The following MUSK variants were observed in gnomAD, a reference collection of about 807,000 sequenced individuals.
MUSK encodes muscle, skeletal receptor tyrosine-protein kinase.
Under a neutral mutation model 88.7 loss-of-function variants are expected in MUSK, and 55 were observed. The ratio of observed to expected loss-of-function variants is 0.62; its 90% CI spans 0.50 to 0.78. The LOEUF is 0.78. Among genes scored for constraint, MUSK ranks in the 30% least tolerant of loss-of-function variants. The probability of loss-of-function intolerance (pLI) is 0.00; values close to 1 mark genes in which losing one functional copy is unlikely to be tolerated. For missense variants in MUSK, 1,015 were observed against 1,074.3 expected, an observed-to-expected ratio of 0.94 and a Z score of 0.77; for synonymous variants, 387 against 391.9, an observed-to-expected ratio of 0.99 and a Z score of 0.15.
intron 5 of MUSK, among the ~76,000 whole-genome samples, chr9:110,732,978 T>C (rs1326594926): frequency 6.6e-6 from 1 of 152,126 alleles, no homozygotes; most frequent in Non-Finnish European, 1.5e-5. Flanking sequence ...GAAACACTAC[T>C]CTGGACCTGT....
Position 110,806,501 on chromosome 9 carries a change from G to C in MUSK, c.*5513G>C, listed in dbSNP as rs1160476541. 6.6e-6 allele frequency among the ~76,000 whole-genome samples: 1 copy of C among 152,108 alleles called. No individual in the cohort carries two copies. Among genetic ancestry groups the C allele is most frequent in the African/African-American group, 2.4e-5 (1 of 41,438 alleles). ...AATTAAGATTTAGGTGCTTTGACTA[G>C]ATTGATTCTAAACATCAAAAAACAA... On this transcript the variant is annotated 3_prime_UTR_variant, in exon 15 of 15. Coordinates refer to ENST00000374448, the MANE Select transcript of MUSK (RefSeq NM_005592.4).
intron 5 of MUSK, among the ~76,000 whole-genome samples, chr9:110,722,734 A>T (rs867906797): frequency 6.6e-6 from 1 of 152,136 alleles, no homozygotes; most frequent in South Asian, 2.1e-4. Context: ...GGCTAAGGAC[A>T]TGAACAGACA....
At chr9:110,735,641 A>G (rs2077021656) in intron 6 of MUSK, among the ~76,000 whole-genome samples, 1 of 152,082 alleles carries the variant, frequency 6.6e-6, no homozygotes, top group Non-Finnish European at 1.5e-5. Context: ...TAGCTTTATT[A>G]GTCAGTTCTC....
Position 110,801,077 on chromosome 9 carries a change from C to T in MUSK, c.*89C>T. ...TACACCAGAGGCCCAACAAGACCCA[C>T]ATAGGAAAGAGTAAGAGTAAACATG... On this transcript the variant is annotated 3_prime_UTR_variant, in exon 15 of 15. Transcript: ENST00000374448. The T allele has an allele frequency of 3.4e-6, 4 of 1,173,190 alleles. No individual in the cohort carries two copies. The highest frequency in any genetic ancestry group is 3.0e-5 in the Admixed American group (1 of 33,704). The allele number at this position is 1,173,190 out of a possible 1,614,324, so 72.7% of individuals were successfully genotyped here. A position where few individuals can be genotyped will look rare whatever the true frequency, so the allele number is the denominator to read the frequency against.
intron 11 of MUSK, among the ~76,000 whole-genome samples, chr9:110,783,439 G>A (rs62571380): frequency 0.019 from 2,857 of 151,928 alleles, 45 homozygotes; most frequent in Non-Finnish European, 0.024. Flanking sequence ...ATTTTCTAAT[G>A]CTTCAAATTT....
At chr9:110,675,750 A>G (rs2131631133) in intron 1 of MUSK, among the ~76,000 whole-genome samples, 1 of 149,250 alleles carries the variant, frequency 6.7e-6, no homozygotes, top group East Asian at 2.0e-4. Flanking sequence ...TTGTATTTTT[A>G]GTAGAGATGG....
chr9:110,798,283 T>A (rs972707035), intron 14 of MUSK, among the ~76,000 whole-genome samples: 3 of 152,212 alleles, frequency 2.0e-5, no homozygotes, highest in South Asian at 4.1e-4. Context: ...ATCAGCCACT[T>A]ATTGAACATG....
chr9:110,753,570 C>G (rs976023415), intron 7 of MUSK, among the ~76,000 whole-genome samples: 5 of 152,108 alleles, frequency 3.3e-5, no homozygotes, highest in African/African-American at 1.2e-4. Context: ...CCATGTTTAT[C>G]CAGTCTCAGA....
chr9:110,681,086 A>AGG (rs367772987), intron 1 of MUSK, among the ~76,000 whole-genome samples: 1 of 20,476 alleles, frequency 4.9e-5, no homozygotes, highest in Admixed American at 6.5e-4. Flanking sequence ...TATATTATAT[A>AGG]ATATATATTA....
chr9:110,800,621 G>A lies in MUSK; in HGVS notation c.2243G>A (p.Arg748Lys), dbSNP rs780279119. ...AAAATTGCCGACTTTGGCCTCTCCA[G>A]GAACATCTACTCAGCAGACTACTAC... Reference protein sequence around the residue: ...VVKIADFGLSRNIYSADYYKA... With the variant: ...VVKIADFGLSKNIYSADYYKA... Residue 748 changes from arginine to lysine, a missense_variant, in exon 15 of 15, where the codon AGG (arginine) becomes AAG (lysine). Transcript: ENST00000374448. 1.2e-6 allele frequency: 2 copies of A among 1,613,806 alleles called. No individual in the cohort carries two copies. Among genetic ancestry groups the A allele is most frequent in the Admixed American group, 3.3e-5 (2 of 60,000 alleles).
chr9:110,726,749 T>C (rs930264739), intron 5 of MUSK, among the ~76,000 whole-genome samples: 1 of 152,052 alleles, frequency 6.6e-6, no homozygotes, highest in Non-Finnish European at 1.5e-5. Flanking sequence ...GAGAGAGTTT[T>C]TGTTTTGTTT....
rs1564209546 is a variant in MUSK at position 110,681,053 on chromosome 9, T to TAATATATA, written c.80-1620_80-1619insATATATAA. On this transcript the variant is annotated intron_variant, in intron 1 of 14. Transcript: ENST00000374448. ...ATTATATATTATATAATATATATTA[T>TAATATATA]ATATTATATATATAATATTATATAT... Among the ~76,000 whole-genome samples the TAATATATA allele has an allele frequency of 4.1e-4, 15 of 36,366 alleles. 4 individuals carry two copies. The highest frequency in any genetic ancestry group is 3.3e-3 in the African/African-American group (15 of 4,568). 23.9% of individuals were successfully genotyped at this position (36,366 alleles called of 152,430 possible).
At chr9:110,733,695 G>A (rs2076992824) in intron 5 of MUSK, among the ~76,000 whole-genome samples, 1 of 151,770 alleles carries the variant, frequency 6.6e-6, no homozygotes, top group African/African-American at 2.4e-5. Context: ...ATACTATCCT[G>A]TGCTTGCTCT....
At chr9:110,783,817 AC>A (rs2077805324) in intron 11 of MUSK, among the ~76,000 whole-genome samples, 2 of 151,990 alleles carry the variant, frequency 1.3e-5, no homozygotes, top group Non-Finnish European at 2.9e-5. Flanking sequence ...AGGAGATAAC[AC>A]TATGACTTTA....
At chr9:110,716,611 T>C (rs2076746764) in intron 5 of MUSK, among the ~76,000 whole-genome samples, 1 of 150,094 alleles carries the variant, frequency 6.7e-6, no homozygotes, top group Non-Finnish European at 1.5e-5. Flanking sequence ...TTTCTTGATA[T>C]TTGAAAAAAA....
intron 1 of MUSK, among the ~76,000 whole-genome samples, chr9:110,679,002 T>C (rs1260814832): frequency 2.0e-5 from 3 of 152,130 alleles, no homozygotes; most frequent in Admixed American, 6.6e-5. Flanking sequence ...AAATCTCCTA[T>C]GTAGCTTGGT....
In MUSK at chr9:110,800,601, T is replaced by A; in HGVS notation, c.2223T>A (p.Ile741=). The change falls in exon 15 of 15, where the codon ATT becomes ATA. Residue 741 remains isoleucine, a synonymous_variant. Transcript: ENST00000374448. ...TGGGCGAGAACATGGTGGTGAAAATTGCCGACTTTGGCCTCTCCAGGAACA... is the reference window on the plus strand; with the variant it reads ...TGGGCGAGAACATGGTGGTGAAAATAGCCGACTTTGGCCTCTCCAGGAACA... ...CLVGENMVVK[I]ADFGLSRNIY... 1.9e-6 allele frequency: 3 copies of A among 1,613,176 alleles called. No individual in the cohort carries two copies. The highest frequency in any genetic ancestry group is 2.5e-6 in the Non-Finnish European group (3 of 1,179,754).
intron 6 of MUSK, among the ~76,000 whole-genome samples, chr9:110,738,217 TATA>T (rs1256046412): frequency 6.6e-6 from 1 of 152,184 alleles, no homozygotes; most frequent in Non-Finnish European, 1.5e-5. Flanking sequence ...ATCCTTTGAT[TATA>T]ATACCATCTT....
Position 110,743,501 on chromosome 9 carries a change from G to T in MUSK, c.754-4140G>T, listed in dbSNP as rs543783303. 5.9e-5 allele frequency among the ~76,000 whole-genome samples: 9 copies of T among 152,080 alleles called. No individual in the cohort carries two copies. In the South Asian group the frequency reaches 1.9e-3, roughly 32 times the overall value. ...TACCAGTAATATCTCTGTTATTTTG[G>T]CATGCAACTAAAAAATATAGAAAAA... is the stretch of plus-strand genomic sequence containing the variant. On this transcript the variant is annotated intron_variant, in intron 6 of 14. Transcript: ENST00000374448.
Sources: allele counts gnomAD v4.1 joint callset (sites outside exome capture counted in the v4.1 genomes callset), GRCh38; gene constraint gnomAD v4.1.1; transcripts MANE v1.5; gene names NCBI Gene and HGNC (gene_info 2026-07-23, HGNC 2026-07-21).